The following SOWAHC variants were observed in gnomAD, a reference collection of about 807,000 sequenced individuals.
SOWAHC encodes the protein sosondowah ankyrin repeat domain family member C.
Under a neutral mutation model 14.4 loss-of-function variants are expected in SOWAHC, and 12 were observed. The ratio of observed to expected loss-of-function variants is 0.83; its 90% CI spans 0.53 to 1.35. The LOEUF is 1.35. Ranked by LOEUF, SOWAHC falls within the 40% of genes most tolerant of loss-of-function variation. The probability of loss-of-function intolerance (pLI) is 0.00; values close to 1 mark genes in which losing one functional copy is unlikely to be tolerated. For missense variants in SOWAHC, 771 were observed against 752.8 expected (o/e 1.02, Z -0.28); for synonymous variants, 398 against 347.0 (o/e 1.15, Z -1.63).
In SOWAHC at chr2:109,615,214, CAG is replaced by C; in HGVS notation, c.727_728del (p.Asp243GlnfsTer158). On this transcript the variant is annotated frameshift_variant, in exon 1 of 1. Transcript: ENST00000356454. LOFTEE classifies it low-confidence loss of function (END_TRUNC). Reference sequence around the variant, plus strand: ...GGACGCGGCAGAGGCGGGGGCGACTCAGACAGCGCATCGGTGGCCTCGTCGTC... The same window carrying C: ...GGACGCGGCAGAGGCGGGGGCGACTCACAGCGCATCGGTGGCCTCGTCGTC... 1 of 1,546,740 alleles carries C rather than the reference CAG, an allele frequency of 6.5e-7. No individual in the cohort carries two copies. Among genetic ancestry groups the C allele is most frequent in the Non-Finnish European group, 8.7e-7 (1 of 1,146,596 alleles).
rs763672136 is a variant in SOWAHC at position 109,615,957 on chromosome 2, G to C, written c.1468G>C (p.Asp490His). 1 of 1,586,028 alleles carries C rather than the reference G, an allele frequency of 6.3e-7. No individual in the cohort carries two copies. Among genetic ancestry groups the C allele is most frequent in the Non-Finnish European group, 8.6e-7 (1 of 1,167,498 alleles). The change falls in exon 1 of 1, where the codon GAC becomes CAC. Residue 490 changes from aspartate to histidine, a missense_variant. Physicochemically the swap from Asp to His is moderately conservative, Grantham distance 81. Transcript: ENST00000356454. Reference protein sequence around the residue: ...QIVHTTPSFRDPEQPLEGRGE... With the variant: ...QIVHTTPSFRHPEQPLEGRGE... Reference sequence around the variant, plus strand: ...CGTCCACACCACACCCTCTTTCAGGGACCCAGAGCAGCCGCTGGAGGGCAG... The same window carrying C: ...CGTCCACACCACACCCTCTTTCAGGCACCCAGAGCAGCCGCTGGAGGGCAG...
In SOWAHC at chr2:109,617,053, G is replaced by C. The variant is rs1012248763; in HGVS notation, c.*986G>C. 6.0e-6 allele frequency: 1 copy of C among 166,940 alleles called. No individual in the cohort carries two copies. Among genetic ancestry groups the C allele is most frequent in the African/African-American group, 2.4e-5 (1 of 41,438 alleles). The allele number at this position is 166,940 out of a possible 1,614,324, so 10.3% of individuals were successfully genotyped here. ...AAATAATTAGCACAAATTGGCCTAA[G>C]TATTCATGAGCCCATGTTTCTGTGA... On this transcript the variant is annotated 3_prime_UTR_variant, in exon 1 of 1. Coordinates refer to ENST00000356454, the MANE Select transcript of SOWAHC (RefSeq NM_023016.4).
At position 109,615,725 on chromosome 2, in the gene SOWAHC, C is replaced by A. The variant is rs768815949; in HGVS notation, c.1236C>A (p.Arg412=). The change falls in exon 1 of 1, where the codon CGC becomes CGA. Residue 412 remains arginine (R), a synonymous_variant. Coordinates refer to ENST00000356454, the MANE Select transcript of SOWAHC (RefSeq NM_023016.4). ...GESAAGSGGG[R]WRLSKVLPSH... ...GCGCCGCGGGTAGCGGCGGCGGGCG[C>A]TGGAGGCTTTCAAAGGTGCTTCCCT... is the stretch of plus-strand genomic sequence containing the variant. The A allele has an allele frequency of 1.2e-6, 2 of 1,613,900 alleles. No individual in the cohort carries two copies. Among genetic ancestry groups the A allele is most frequent in the South Asian group, 2.2e-5 (2 of 91,084 alleles).
At position 109,615,830 on chromosome 2, in the gene SOWAHC, G is replaced by A. The variant is rs1045837066; in HGVS notation, c.1341G>A (p.Gly447=). 2.5e-6 allele frequency: 4 copies of A among 1,614,056 alleles called. No individual in the cohort carries two copies. Among genetic ancestry groups the A allele is most frequent in the Non-Finnish European group, 1.7e-6 (2 of 1,180,042 alleles). Residue 447 remains glycine, a synonymous_variant, in exon 1 of 1, where the codon GGG becomes GGA. Transcript: ENST00000356454. ...ACCACCATCACCACTCGGCTGAGGGGTGGGTCGGAGGCAAAGCCAAGGATC... is the reference window on the plus strand; with the variant it reads ...ACCACCATCACCACTCGGCTGAGGGATGGGTCGGAGGCAAAGCCAAGGATC... ...DHHHHHHSAE[G]WVGGKAKDPG...
At position 109,614,881 on chromosome 2, in the gene SOWAHC, G is replaced by A; in HGVS notation, c.392G>A (p.Gly131Asp). The A allele has an allele frequency of 2.1e-6, 3 of 1,426,732 alleles. No individual in the cohort carries two copies. Among genetic ancestry groups the A allele is most frequent in the Non-Finnish European group, 2.7e-6 (3 of 1,102,014 alleles). 88.4% of individuals were successfully genotyped at this position (1,426,732 alleles called of 1,614,324 possible). Residue 131 changes from glycine (G) to aspartate (D), a missense_variant, in exon 1 of 1, where the codon GGC (glycine) becomes GAC (aspartate). Coordinates refer to ENST00000356454, the MANE Select transcript of SOWAHC (RefSeq NM_023016.4). ...AAAPESLPGQGRELGEGEPPA... is the reference protein window; with the variant it reads ...AAAPESLPGQDRELGEGEPPA... ...GCCCCGGAGTCGCTCCCTGGACAGGGCCGCGAGCTGGGCGAGGGAGAGCCC... is the reference window on the plus strand; with the variant it reads ...GCCCCGGAGTCGCTCCCTGGACAGGACCGCGAGCTGGGCGAGGGAGAGCCC...
At position 109,615,724 on chromosome 2, in the gene SOWAHC, G is replaced by A. The variant is rs953717544; in HGVS notation, c.1235G>A (p.Arg412His). The stretch of plus-strand genomic sequence containing the variant: ...AGCGCCGCGGGTAGCGGCGGCGGGC[G>A]CTGGAGGCTTTCAAAGGTGCTTCCC... ...GESAAGSGGGRWRLSKVLPSH... is the reference protein window; with the variant it reads ...GESAAGSGGGHWRLSKVLPSH... The change falls in exon 1 of 1, where the codon CGC (arginine) becomes CAC (histidine). Residue 412 changes from arginine (R) to histidine (H), a missense_variant. By Grantham distance (29) the Arg-to-His change is conservative. Coordinates refer to ENST00000356454, the MANE Select transcript of SOWAHC (RefSeq NM_023016.4). 6.2e-7 allele frequency: 1 copy of A among 1,613,850 alleles called. No individual in the cohort carries two copies. Among genetic ancestry groups the A allele is most frequent in the Non-Finnish European group, 8.5e-7 (1 of 1,179,916 alleles).
Position 109,615,490 on chromosome 2 carries a change from T to C in SOWAHC, c.1001T>C (p.Ile334Thr). 6.2e-7 allele frequency: 1 copy of C among 1,613,570 alleles called. No individual in the cohort carries two copies. Among genetic ancestry groups the C allele is most frequent in the Non-Finnish European group, 8.5e-7 (1 of 1,180,022 alleles). The change falls in exon 1 of 1, where the codon ATC becomes ACC. Residue 334 changes from isoleucine (I) to threonine (T), a missense_variant. Ile to Thr is a moderately conservative substitution (Grantham distance 89, BLOSUM62 -1). Transcript: ENST00000356454. ...FANKHQLPVN[I>T]DARTSGGYTA... ...AACAAACACCAGCTGCCGGTGAACA[T>C]CGACGCCAGGACGAGCGGGGGTTAC... is the stretch of plus-strand genomic sequence containing the variant.
In SOWAHC at chr2:109,615,011, G is replaced by A. The variant is rs1291961929; in HGVS notation, c.522G>A (p.Glu174=). ...GGACTCCAGCCCCGGGGCCCAGCGA[G>A]GACCTGGAGCTCCCGCCACATGGCT... is the stretch of plus-strand genomic sequence containing the variant. ...LPRTPAPGPS[E]DLELPPHGCE... is the part of the protein sequence containing the mutation. Residue 174 remains glutamate, a synonymous_variant, in exon 1 of 1, where the codon GAG becomes GAA. Transcript: ENST00000356454. 1.3e-6 allele frequency: 2 copies of A among 1,545,508 alleles called. No homozygotes were observed. Among genetic ancestry groups the A allele is most frequent in the East Asian group, 2.4e-5 (1 of 40,868 alleles).
Position 109,617,135 on chromosome 2 carries a change from A to G in SOWAHC, c.*1068A>G, listed in dbSNP as rs1435334232. ...TGTAAGGTACACTTTTTATTTTAAT[A>G]CATTGGTAGTCTCTATGACTTGTAG... is the stretch of plus-strand genomic sequence containing the variant. On this transcript the variant is annotated 3_prime_UTR_variant, in exon 1 of 1. Transcript: ENST00000356454. 6.0e-6 allele frequency: 1 copy of G among 166,726 alleles called. No individual in the cohort carries two copies. The highest frequency in any genetic ancestry group is 2.4e-5 in the African/African-American group (1 of 41,476). The allele number at this position is 166,726 out of a possible 1,614,324, so 10.3% of individuals were successfully genotyped here. A position where few individuals can be genotyped will look rare whatever the true frequency, so the allele number is the denominator to read the frequency against.
In SOWAHC at chr2:109,617,313, A is replaced by G. The variant is rs1700162849; in HGVS notation, c.*1246A>G. 1 of 167,072 alleles carries G rather than the reference A, an allele frequency of 6.0e-6. No individual in the cohort carries two copies. The highest frequency in any genetic ancestry group is 2.4e-5 in the African/African-American group (1 of 41,462). 10.3% of individuals were successfully genotyped at this position (167,072 alleles called of 1,614,324 possible). ...AAGGGAATAGAGAAGAGATGGGACTATTTCTATATTTAAATGCTGCTGGCT... is the reference window on the plus strand; with the variant it reads ...AAGGGAATAGAGAAGAGATGGGACTGTTTCTATATTTAAATGCTGCTGGCT... On this transcript the variant is annotated 3_prime_UTR_variant, in exon 1 of 1. Transcript: ENST00000356454.
At position 109,615,719 on chromosome 2, in the gene SOWAHC, C is replaced by T. The variant is rs746272171; in HGVS notation, c.1230C>T (p.Gly410=). The change falls in exon 1 of 1, where the codon GGC becomes GGT. Residue 410 remains glycine, a synonymous_variant. Transcript: ENST00000356454. The part of the protein sequence containing the change: ...GDGESAAGSG[G]GRWRLSKVLP... ...GGGAAAGCGCCGCGGGTAGCGGCGGCGGGCGCTGGAGGCTTTCAAAGGTGC... is the reference window on the plus strand; with the variant it reads ...GGGAAAGCGCCGCGGGTAGCGGCGGTGGGCGCTGGAGGCTTTCAAAGGTGC... 5 of 1,613,486 alleles carry T rather than the reference C, an allele frequency of 3.1e-6. No homozygotes were observed. The highest frequency in any genetic ancestry group is 1.3e-5 in the African/African-American group (1 of 75,052).
At position 109,615,683 on chromosome 2, in the gene SOWAHC, C is replaced by A. The variant is rs761759672; in HGVS notation, c.1194C>A (p.Asp398Glu). The part of the protein sequence containing the change: ...EEIKNLVGAL[D>E]EGDGESAAGS... ...TCAAGAACCTGGTGGGAGCCCTGGA[C>A]GAGGGTGACGGGGAAAGCGCCGCGG... is the stretch of plus-strand genomic sequence containing the variant. Residue 398 changes from aspartate (D) to glutamate (E), a missense_variant, in exon 1 of 1, where the codon GAC becomes GAA. Coordinates refer to ENST00000356454, the MANE Select transcript of SOWAHC (RefSeq NM_023016.4). 2 of 1,614,010 alleles carry A rather than the reference C, an allele frequency of 1.2e-6. No homozygotes were observed. Among genetic ancestry groups the A allele is most frequent in the South Asian group, 2.2e-5 (2 of 91,078 alleles).
rs534643416 is a variant in SOWAHC at position 109,617,962 on chromosome 2, T to C, written c.*1895T>C. 1.2e-5 allele frequency: 2 copies of C among 163,248 alleles called. No homozygotes were observed. Among genetic ancestry groups the C allele is most frequent in the East Asian group, 1.9e-4 (1 of 5,140 alleles). 10.1% of individuals were successfully genotyped at this position (163,248 alleles called of 1,614,324 possible). A position where few individuals can be genotyped will look rare whatever the true frequency, so the allele number is the denominator to read the frequency against. On this transcript the variant is annotated 3_prime_UTR_variant, in exon 1 of 1. Coordinates refer to ENST00000356454, the MANE Select transcript of SOWAHC (RefSeq NM_023016.4). ...TAAACCTGAGAGGTGGAGGTTGCAG[T>C]TGAGCCAAGATCACGACACTGCACT...
Position 109,616,905 on chromosome 2 carries a change from A to C in SOWAHC, c.*838A>C, listed in dbSNP as rs950814049. On this transcript the variant is annotated 3_prime_UTR_variant, in exon 1 of 1. Transcript: ENST00000356454. The stretch of plus-strand genomic sequence containing the variant: ...CGGATTCTCACTAACTTTTGTTACT[A>C]TTCTAAAAGTTTGAATTTGCTGGGG... The C allele has an allele frequency of 6.0e-6, 1 of 167,036 alleles. No individual in the cohort carries two copies. Among genetic ancestry groups the C allele is most frequent in the Non-Finnish European group, 1.5e-5 (1 of 68,104 alleles). 10.3% of individuals were successfully genotyped at this position (167,036 alleles called of 1,614,324 possible).
Position 109,614,860 on chromosome 2 carries a change from C to G in SOWAHC, c.371C>G (p.Pro124Arg), listed in dbSNP as rs931502294. 3.1e-5 allele frequency: 44 copies of G among 1,399,540 alleles called. No individual in the cohort carries two copies. Among genetic ancestry groups the G allele is most frequent in the African/African-American group, 1.4e-4 (9 of 65,716 alleles). The allele number at this position is 1,399,540 out of a possible 1,614,324, so 86.7% of individuals were successfully genotyped here. ...GATCGGCTCCCCGACGCGGCGGCCCCGGAGTCGCTCCCTGGACAGGGCCGC... is the reference window on the plus strand; with the variant it reads ...GATCGGCTCCCCGACGCGGCGGCCCGGGAGTCGCTCCCTGGACAGGGCCGC... ...ARDRLPDAAA[P>R]ESLPGQGREL... The change falls in exon 1 of 1, where the codon CCG becomes CGG. Residue 124 changes from proline to arginine, a missense_variant. Pro to Arg is a moderately radical substitution (Grantham distance 103, BLOSUM62 -2). Coordinates refer to ENST00000356454, the MANE Select transcript of SOWAHC (RefSeq NM_023016.4).
rs1700178726 is a variant in SOWAHC at position 109,618,626 on chromosome 2, G to T, written c.*2559G>T. 1.8e-5 allele frequency: 3 copies of T among 166,838 alleles called. No homozygotes were observed. Among genetic ancestry groups the T allele is most frequent in the African/African-American group, 7.2e-5 (3 of 41,406 alleles). 10.3% of individuals were successfully genotyped at this position (166,838 alleles called of 1,614,324 possible). Reference sequence around the variant, plus strand: ...CTCTTATTTTTCAGTTTCCAGTCAAGATTATAAAAAGCAAATGATTGATAT... The same window carrying T: ...CTCTTATTTTTCAGTTTCCAGTCAATATTATAAAAAGCAAATGATTGATAT... On this transcript the variant is annotated 3_prime_UTR_variant, in exon 1 of 1. Transcript: ENST00000356454.
rs1430665669 is a variant in SOWAHC at position 109,618,192 on chromosome 2, T to A, written c.*2125T>A. Reference sequence around the variant, plus strand: ...TAAATAAAAACAGGCTCCTGGAAGGTGAAAAGTAGTCATTTGTTCTAAATC... The same window carrying A: ...TAAATAAAAACAGGCTCCTGGAAGGAGAAAAGTAGTCATTTGTTCTAAATC... On this transcript the variant is annotated 3_prime_UTR_variant, in exon 1 of 1. Transcript: ENST00000356454. 1.2e-5 allele frequency: 2 copies of A among 166,944 alleles called. No homozygotes were observed. 10.3% of individuals were successfully genotyped at this position (166,944 alleles called of 1,614,324 possible). A position where few individuals can be genotyped will look rare whatever the true frequency, so the allele number is the denominator to read the frequency against.
rs1187091053 is a variant in SOWAHC, at chr2:109,614,397, A to G, written c.-93A>G. ...AGGCTGGCAGCCCGCTGAGCCCGCC[A>G]GACTCCGCCGCCGTCGGGAGCCGGC... On this transcript the variant is annotated 5_prime_UTR_variant, in exon 1 of 1. Coordinates refer to ENST00000356454, the MANE Select transcript of SOWAHC (RefSeq NM_023016.4). 5.1e-6 allele frequency: 5 copies of G among 987,716 alleles called. No homozygotes were observed. In the African/African-American group the frequency reaches 5.1e-5, roughly 10 times the overall value. The allele number at this position is 987,716 out of a possible 1,614,324, so 61.2% of individuals were successfully genotyped here. A position where few individuals can be genotyped will look rare whatever the true frequency, so the allele number is the denominator to read the frequency against.
Position 109,615,988 on chromosome 2 carries a change from AGGAGGGAGTGGG to A in SOWAHC, c.1505_1516del (p.Gly502_Glu505del). The A allele has an allele frequency of 2.6e-6, 4 of 1,552,062 alleles. No homozygotes were observed. The highest frequency in any genetic ancestry group is 3.5e-6 in the Non-Finnish European group (4 of 1,152,270). On this transcript the variant is annotated inframe_deletion, in exon 1 of 1. Coordinates refer to ENST00000356454, the MANE Select transcript of SOWAHC (RefSeq NM_023016.4). ...GAGCAGCCGCTGGAGGGCAGGGGGGAGGAGGGAGTGGGGGAGGAACGACCTGTTAAAGGCCAC... is the reference window on the plus strand; with the variant it reads ...GAGCAGCCGCTGGAGGGCAGGGGGGAGGAGGAACGACCTGTTAAAGGCCAC...
Sources: allele counts gnomAD v4.1 joint callset, GRCh38; gene constraint gnomAD v4.1.1; transcripts MANE v1.5; gene names NCBI Gene and HGNC (gene_info 2026-07-23, HGNC 2026-07-21).